Variants in LIMCH1 observed in about 807,000 individuals in gnomAD.
LIMCH1 encodes LIM and calponin homology domains 1, also known as LIM and calponin homology domains-containing protein 1.
A neutral mutation model predicts 176.5 loss-of-function variants in LIMCH1; 113 were observed. The ratio of observed to expected loss-of-function variants is 0.64; its 90% CI spans 0.55 to 0.75. The LOEUF is 0.75. Among genes scored for constraint, LIMCH1 ranks in the 30% least tolerant of loss-of-function variants. LIMCH1 has a pLI of 0.00. For synonymous variants in LIMCH1, 619 were observed against 645.9 expected, an observed-to-expected ratio of 0.96 and a Z score of 0.63; for missense variants, 1,674 against 1,814.9, an observed-to-expected ratio of 0.92 and a Z score of 1.41.
intron 25 of LIMCH1, 40 bp from the exon 26 acceptor site, chr4:41,682,293 T>C (rs1189069895): frequency 1.9e-6 from 3 of 1,546,300 alleles, no homozygotes; most frequent in Non-Finnish European, 1.8e-6. Context: ...ACAGTGTTTT[T>C]AAAATTTATA....
intron 5 of LIMCH1, among the ~76,000 whole-genome samples, chr4:41,617,895 C>G (rs1380170524): frequency 6.6e-6 from 1 of 152,202 alleles, no homozygotes; most frequent in Non-Finnish European, 1.5e-5. Flanking sequence ...TAGGCTGCCC[C>G]AAGCACTGTA....
chr4:41,651,148 AG>A (rs2094281500), intron 18 of LIMCH1, among the ~76,000 whole-genome samples: 1 of 152,160 alleles, frequency 6.6e-6, no homozygotes, highest in South Asian at 2.1e-4. Context: ...CTGGGACTAC[AG>A]GCATGCACAA....
Position 41,627,019 on chromosome 4 carries a change from G to GT in LIMCH1, c.1028+9_1028+10insT, listed in dbSNP as rs1554136112. 509 of 1,407,744 alleles carry GT rather than the reference G, an allele frequency of 3.6e-4. 3 individuals carry two copies. The African/African-American group carries it at 7.5e-3, about 21-fold the overall frequency. The allele number at this position is 1,407,744 out of a possible 1,614,324, so 87.2% of individuals were successfully genotyped here. ...AGTCTAGAATATAAAAGGTGTGCAT[G>GT]GTGTGTGTGTGTGTGTGTGTGTGTG... is the stretch of plus-strand genomic sequence containing the variant. On this transcript the variant is annotated intron_variant, in intron 8 of 31. Coordinates refer to ENST00000503057, the MANE Select transcript of LIMCH1 (RefSeq NM_001330672.2).
intron 18 of LIMCH1, among the ~76,000 whole-genome samples, chr4:41,653,445 A>G (rs922271879): frequency 6.6e-6 from 1 of 151,978 alleles, no homozygotes; most frequent in Admixed American, 6.6e-5. Flanking sequence ...CTTGGACTTC[A>G]TTTTCTGTTT....
intron 2 of LIMCH1, among the ~76,000 whole-genome samples, chr4:41,501,857 C>CTTTTTTT (rs71198662): frequency 1.3e-5 from 1 of 74,986 alleles, no homozygotes; most frequent in Non-Finnish European, 2.4e-5. Flanking sequence ...GTGTAGAATC[C>CTTTTTTT]TTTTTTTTTT....
chr4:41,394,159 G>T (rs1455082043), intron 1 of LIMCH1, among the ~76,000 whole-genome samples: 1 of 152,052 alleles, frequency 6.6e-6, no homozygotes, highest in African/African-American at 2.4e-5. Context: ...GCCAAAATTG[G>T]TTCTGTTTTA....
chr4:41,466,039 A>G (rs1027895004), intron 1 of LIMCH1, among the ~76,000 whole-genome samples: 1 of 148,720 alleles, frequency 6.7e-6, no homozygotes, highest in Non-Finnish European at 1.5e-5. Flanking sequence ...GCTCACTGCA[A>G]CCTCCGCCTG....
At chr4:41,580,695 G>A (rs2085271293) in intron 1 of LIMCH1, among the ~76,000 whole-genome samples, 2 of 152,022 alleles carry the variant, frequency 1.3e-5, no homozygotes, top group Non-Finnish European at 2.9e-5. Flanking sequence ...AAATTAAAGG[G>A]ATAGAATAAT....
intron 1 of LIMCH1, among the ~76,000 whole-genome samples, chr4:41,378,165 G>C (rs551022508): frequency 1.3e-5 from 2 of 152,298 alleles, no homozygotes; most frequent in South Asian, 4.1e-4. Flanking sequence ...GGAAGCAGCA[G>C]AGCTGGGACA....
chr4:41,472,101 G>A (rs2067045803), intron 1 of LIMCH1, among the ~76,000 whole-genome samples: 1 of 152,224 alleles, frequency 6.6e-6, no homozygotes, highest in Admixed American at 6.5e-5. Context: ...GTATTGCCCT[G>A]TAAGTCCACG....
At chr4:41,437,374 C>T (rs1280413647) in intron 1 of LIMCH1, among the ~76,000 whole-genome samples, 2 of 152,152 alleles carry the variant, frequency 1.3e-5, no homozygotes, top group Non-Finnish European at 2.9e-5. Context: ...TGTTTTTAGC[C>T]AGCAGTCCTT....
At chr4:41,382,087 CT>C (rs1228175473) in intron 1 of LIMCH1, among the ~76,000 whole-genome samples, 2 of 152,224 alleles carry the variant, frequency 1.3e-5, no homozygotes, top group Admixed American at 1.3e-4. Context: ...TACCTAGTTT[CT>C]GACCGCAGAT....
chr4:41,371,237 C>G (rs1321179205), intron 1 of LIMCH1, among the ~76,000 whole-genome samples: 1 of 152,184 alleles, frequency 6.6e-6, no homozygotes, highest in African/African-American at 2.4e-5. Context: ...TGAGCATCTT[C>G]TATATACATA....
At chr4:41,630,026 G>C (rs2093229490) in intron 9 of LIMCH1, among the ~76,000 whole-genome samples, 1 of 151,938 alleles carries the variant, frequency 6.6e-6, no homozygotes, top group South Asian at 2.1e-4. Context: ...TGCTGGTCTT[G>C]AACTCCTGGG....
chr4:41,494,640 A>G, intron 2 of LIMCH1: 1 of 1,334,294 alleles, frequency 7.5e-7, no homozygotes, highest in Non-Finnish European at 1.1e-6. Context: ...GGTTTTATTC[A>G]AAAAACATCA....
In LIMCH1 at chr4:41,526,893, G is replaced by A. The variant is rs146387667; in HGVS notation, c.237+2415G>A. ...GCATTTCCTTGGCCACTGCCCCAGA[G>A]CAGGCCATCCTCATCTCTTGCCTGG... is the stretch of plus-strand genomic sequence containing the variant. On this transcript the variant is annotated intron_variant, in intron 3 of 26. Transcript: ENST00000313860. Among the ~76,000 whole-genome samples the A allele has an allele frequency of 1.3e-3, 192 of 152,292 alleles. 1 individual carries two copies. The highest frequency in any genetic ancestry group is 4.4e-3 in the African/African-American group (182 of 41,566).
chr4:41,672,019 A>AT (rs1209390812), intron 22 of LIMCH1, among the ~76,000 whole-genome samples: 2 of 152,170 alleles, frequency 1.3e-5, no homozygotes, highest in Non-Finnish European at 2.9e-5. Flanking sequence ...ATTATATGGA[A>AT]TTGTTACTGT....
intron 1 of LIMCH1, among the ~76,000 whole-genome samples, chr4:41,421,321 G>T (rs2060588596): frequency 1.3e-5 from 2 of 152,180 alleles, no homozygotes; most frequent in African/African-American, 4.8e-5. Flanking sequence ...AAATGGCGGG[G>T]AGAGAGAGAC....
At chr4:41,696,659 A>T (rs538994846) in intron 31 of LIMCH1, among the ~76,000 whole-genome samples, 2 of 152,322 alleles carry the variant, frequency 1.3e-5, no homozygotes, top group South Asian at 4.1e-4. Context: ...TGTGTCGTTT[A>T]TCTGAAATTA....
Sources: allele counts gnomAD v4.1 joint callset (sites outside exome capture counted in the v4.1 genomes callset), GRCh38; gene constraint gnomAD v4.1.1; transcripts MANE v1.5; gene names NCBI Gene and HGNC (gene_info 2026-07-23, HGNC 2026-07-21).